RIOK1: variants seen among roughly 807,000 people sequenced by gnomAD.
RIOK1 encodes the protein RIO kinase 1, also known as serine/threonine-protein kinase RIO1.
Under a neutral mutation model 73.5 loss-of-function variants are expected in RIOK1, and 66 were observed. That is an observed-to-expected ratio of 0.90 (90% CI 0.74 to 1.10). RIOK1 has a LOEUF of 1.10. RIOK1 is among the 50% of genes least tolerant of loss of function. RIOK1 has a pLI of 0.00. For missense variants in RIOK1, 658 were observed against 699.8 expected, an observed-to-expected ratio of 0.94 and a Z score of 0.67; for synonymous variants, 224 against 226.8, an observed-to-expected ratio of 0.99 and a Z score of 0.11.
At chr6:7,411,039 C>T (rs1459750962) in intron 13 of RIOK1, among the ~76,000 whole-genome samples, 1 of 152,114 alleles carries the variant, frequency 6.6e-6, no homozygotes, top group African/African-American at 2.4e-5. Flanking sequence ...CTTTTTGGAA[C>T]AAAAATGAAG....
At chr6:7,413,021 TTATTATTTAA>T in intron 15 of RIOK1, 79 bp downstream of exon 15, 1 of 686,560 alleles carries the variant, frequency 1.5e-6, no homozygotes, top group African/African-American at 1.9e-5. Context: ...CTGTTTTTTA[TTATTATTTAA>T]TATTATTAGA....
Position 7,414,246 on chromosome 6 carries a change from A to C in RIOK1, c.1452A>C (p.Ala484=), listed in dbSNP as rs748164281. ...TCTTTAATAATTTCAAGGTCCCTGC[A>C]CTCCTAGAAAATCAAGTGGAGGAAA... ...KDLSGVQKVP[A]LLENQVEERT... Residue 484 remains alanine (A), a synonymous_variant, in exon 16 of 17, where the codon GCA becomes GCC. Coordinates refer to ENST00000379834, the MANE Select transcript of RIOK1 (RefSeq NM_031480.3). 13 of 1,611,828 alleles carry C rather than the reference A, an allele frequency of 8.1e-6. No individual in the cohort carries two copies. In the South Asian group the frequency reaches 1.4e-4, roughly 18 times the overall value.
At chr6:7,395,750 C>G (rs1407449380) in intron 3 of RIOK1, among the ~76,000 whole-genome samples, 1 of 151,248 alleles carries the variant, frequency 6.6e-6, no homozygotes, top group Non-Finnish European at 1.5e-5. Flanking sequence ...CACTCTGTCA[C>G]CCAGGCTAGA....
intron 12 of RIOK1, among the ~76,000 whole-genome samples, chr6:7,409,216 TG>T (rs1761826795): frequency 3.8e-3 from 10 of 2,610 alleles, no homozygotes; most frequent in Non-Finnish European, 1.3e-3. Flanking sequence ...CGACTAATTG[TG>T]TGTGTGTGTG....
intron 4 of RIOK1, among the ~76,000 whole-genome samples, chr6:7,398,183 T>G (rs1036859123): frequency 6.6e-6 from 1 of 152,024 alleles, no homozygotes; most frequent in Non-Finnish European, 1.5e-5. Flanking sequence ...ACTTGTATCT[T>G]CTTAGAAAAT....
chr6:7,395,248 T>A (rs1209852844), intron 3 of RIOK1, 105 bp downstream of exon 3: 4 of 1,325,052 alleles, frequency 3.0e-6, no homozygotes, highest in Non-Finnish European at 4.2e-6. Context: ...CCGTGGTGGC[T>A]CACGCCTGTA....
Position 7,393,214 on chromosome 6 carries a change from T to TATG in RIOK1, c.189_191dup (p.Asp69dup), listed in dbSNP as rs764932797. On this transcript the variant is annotated inframe_insertion, in exon 2 of 17. Transcript: ENST00000379834. The stretch of plus-strand genomic sequence containing the variant: ...AATAGAAGATGAGGAGGAGGAGGGT[T>TATG]ATGACGATGATGATGATGACTGGGA... The TATG allele has an allele frequency of 1.4e-5, 22 of 1,610,962 alleles. No homozygotes were observed. Among genetic ancestry groups the TATG allele is most frequent in the Admixed American group, 5.0e-5 (3 of 59,980 alleles).
At chr6:7,408,172 G>A (rs966091118) in intron 12 of RIOK1, among the ~76,000 whole-genome samples, 1 of 152,184 alleles carries the variant, frequency 6.6e-6, no homozygotes. Flanking sequence ...GAATAGCTGG[G>A]ATTATGGGCA....
intron 6 of RIOK1, among the ~76,000 whole-genome samples, chr6:7,402,152 CGAAGAACATTATA>C (rs1207052066): frequency 6.6e-6 from 1 of 152,106 alleles, no homozygotes; most frequent in Non-Finnish European, 1.5e-5. Context: ...TGTCATTATG[CGAAGAACATTATA>C]GAGCATACTC....
At chr6:7,412,264 G>A (rs1211852090) in intron 14 of RIOK1, among the ~76,000 whole-genome samples, 1 of 152,026 alleles carries the variant, frequency 6.6e-6, no homozygotes, top group East Asian at 1.9e-4. Context: ...GGGAGGCTGA[G>A]GCACGAGAAT....
intron 15 of RIOK1, 152 bp from the exon 16 acceptor site, chr6:7,414,086 T>G (rs1165793385): frequency 3.2e-6 from 2 of 627,866 alleles, no homozygotes; most frequent in African/African-American, 1.9e-5. Context: ...CTGATGTTCA[T>G]TCTGGTGTTT....
intron 12 of RIOK1, among the ~76,000 whole-genome samples, chr6:7,405,968 T>C (rs1761735637): frequency 6.6e-6 from 1 of 151,596 alleles, no homozygotes; most frequent in African/African-American, 2.4e-5. Context: ...TTTTTTCTTT[T>C]CTTTCTTTTT....
At position 7,405,338 on chromosome 6, in the gene RIOK1, G is replaced by T. The variant is rs1761718930; in HGVS notation, c.1186G>T (p.Asp396Tyr). 1.9e-6 allele frequency: 3 copies of T among 1,604,454 alleles called. No homozygotes were observed. The highest frequency in any genetic ancestry group is 2.6e-6 in the Non-Finnish European group (3 of 1,171,398). ...TCCATCCATTACACATGAGAACATG[G>T]ATGCTTATCTCTCAAAGGTAAGATG... is the stretch of plus-strand genomic sequence containing the variant. ...TDPSITHENMDAYLSKAMEIA... is the reference protein window; with the variant it reads ...TDPSITHENMYAYLSKAMEIA... Residue 396 changes from aspartate to tyrosine, a missense_variant, in exon 12 of 17, where the codon GAT (aspartate) becomes TAT (tyrosine). By Grantham distance (160) the Asp-to-Tyr change is radical (BLOSUM62 -3). Transcript: ENST00000379834.
intron 5 of RIOK1, among the ~76,000 whole-genome samples, chr6:7,399,040 A>T (rs1322382910): frequency 2.0e-5 from 3 of 152,200 alleles, no homozygotes; most frequent in Admixed American, 6.5e-5. Context: ...GAATTTTGTG[A>T]GCTTTCCCAG....
At chr6:7,392,256 A>AG (rs1353942642) in intron 1 of RIOK1, among the ~76,000 whole-genome samples, 1 of 151,872 alleles carries the variant, frequency 6.6e-6, no homozygotes, top group Non-Finnish European at 1.5e-5. Flanking sequence ...AAAAAAAAAA[A>AG]AAAAAAGCCC....
chr6:7,411,543 C>A, intron 14 of RIOK1, 92 bp downstream of exon 14: 2 of 1,352,440 alleles, frequency 1.5e-6, no homozygotes, highest in African/African-American at 2.9e-5. Flanking sequence ...TTCCCCTAAT[C>A]TTGAATATTG....
chr6:7,404,986 T>TG lies in RIOK1; in HGVS notation c.1063dup (p.Glu355GlyfsTer12). ...GTGGAGCACGACCACCCACATGCCT[T>TG]GGAGTTCTTGAGAAAGGATTGCGCC... On this transcript the variant is annotated frameshift_variant, in exon 11 of 17. Transcript: ENST00000379834. LOFTEE classifies it high-confidence loss of function. The TG allele has an allele frequency of 6.2e-7, 1 of 1,614,178 alleles. No homozygotes were observed. The highest frequency in any genetic ancestry group is 1.1e-5 in the South Asian group (1 of 91,054).
chr6:7,396,189 G>A (rs1561874702), intron 3 of RIOK1, among the ~76,000 whole-genome samples: 1 of 152,128 alleles, frequency 6.6e-6, no homozygotes, highest in South Asian at 2.1e-4. Context: ...AATGTAAGAG[G>A]GATGGAGGGA....
intron 12 of RIOK1, among the ~76,000 whole-genome samples, chr6:7,406,725 A>G (rs531741640): frequency 3.3e-5 from 5 of 151,958 alleles, no homozygotes; most frequent in Admixed American, 1.3e-4. Flanking sequence ...CAGTGGCGTG[A>G]TCTTGGCTCA....
Sources: allele counts gnomAD v4.1 joint callset (sites outside exome capture counted in the v4.1 genomes callset), GRCh38; gene constraint gnomAD v4.1.1; transcripts MANE v1.5; gene names NCBI Gene and HGNC (gene_info 2026-07-23, HGNC 2026-07-21).